The following CDH13 variants were observed in gnomAD, a reference collection of about 807,000 sequenced individuals.
CDH13 encodes the protein cadherin 13, also known as cadherin-13.
A neutral mutation model predicts 63.8 loss-of-function variants in CDH13; 24 were observed. The observed-to-expected ratio is 0.38, with a 90% CI of 0.27 to 0.53. CDH13 has a LOEUF of 0.53. Among genes scored for constraint, CDH13 ranks in the 20% least tolerant of loss-of-function variants. The probability of loss-of-function intolerance (pLI) is 0.85; values close to 1 mark genes in which losing one functional copy is unlikely to be tolerated. For synonymous variants in CDH13, 503 were observed against 355.3 expected (o/e 1.42, Z -4.67); for missense variants, 1,049 against 903.1 (o/e 1.16, Z -2.07).
chr16:83,067,404 C>G (rs1449692714), intron 3 of CDH13, among the ~76,000 whole-genome samples: 1 of 152,124 alleles, frequency 6.6e-6, no homozygotes, highest in Non-Finnish European at 1.5e-5. Context: ...AAATGGGAAC[C>G]ATCCATAGTT....
chr16:83,067,032 C>A (rs977561927), intron 3 of CDH13, among the ~76,000 whole-genome samples: 9 of 152,156 alleles, frequency 5.9e-5, no homozygotes, highest in African/African-American at 2.2e-4. Context: ...ATCTTATTTT[C>A]CAAGCTGCCA....
chr16:82,840,037 A>C lies in CDH13; in HGVS notation c.46-18325A>C, dbSNP rs553359698. ...GAGAAGAAAAAGTTATGTTCCTTCA[A>C]ACTATTTCAGCTCAGATGATTTTTT... On this transcript the variant is annotated intron_variant, in intron 1 of 13. Transcript: ENST00000567109. Among the ~76,000 whole-genome samples the C allele has an allele frequency of 4.6e-5, 7 of 152,310 alleles. No homozygotes were observed. The East Asian group carries it at 1.2e-3, about 25-fold the overall frequency.
intron 1 of CDH13, chr16:82,723,223 A>C (rs1042414054): frequency 1.3e-5 from 2 of 152,130 alleles, no homozygotes; most frequent in Non-Finnish European, 2.9e-5. Context: ...TATCTCCTTA[A>C]ATCCGTGTAT....
chr16:83,321,965 A>G (rs897494145), intron 5 of CDH13, among the ~76,000 whole-genome samples: 3 of 152,248 alleles, frequency 2.0e-5, no homozygotes, highest in African/African-American at 4.8e-5. Flanking sequence ...AGCCTGGTTC[A>G]GAGCCAGAGT....
chr16:83,066,853 C>G (rs2032054589), intron 3 of CDH13, among the ~76,000 whole-genome samples: 1 of 152,184 alleles, frequency 6.6e-6, no homozygotes, highest in Non-Finnish European at 1.5e-5. Context: ...CAGAAGGCTG[C>G]TTAGTGAGCA....
intron 6 of CDH13, among the ~76,000 whole-genome samples, chr16:83,453,395 C>A (rs1348465009): frequency 6.6e-6 from 1 of 151,936 alleles, no homozygotes; most frequent in African/African-American, 2.4e-5. Flanking sequence ...AAATGAAAAA[C>A]AACATTGATC....
At chr16:82,690,229 G>C (rs1386442243) in intron 1 of CDH13, among the ~76,000 whole-genome samples, 1 of 151,268 alleles carries the variant, frequency 6.6e-6, no homozygotes, top group African/African-American at 2.4e-5. Flanking sequence ...GGGGTTGGTG[G>C]AGGGAAATAA....
intron 8 of CDH13, among the ~76,000 whole-genome samples, chr16:83,652,005 C>T (rs1012490346): frequency 6.6e-6 from 1 of 152,182 alleles, no homozygotes; most frequent in East Asian, 1.9e-4. Context: ...ACAGAGAATG[C>T]TTTTTAATCC....
chr16:83,016,163 G>A (rs1327409186), intron 2 of CDH13, among the ~76,000 whole-genome samples: 1 of 152,122 alleles, frequency 6.6e-6, no homozygotes, highest in African/African-American at 2.4e-5. Context: ...GGATGAATAG[G>A]CATGGCCTAC....
At chr16:83,663,300 G>A (rs1695045628) in intron 8 of CDH13, among the ~76,000 whole-genome samples, 1 of 152,088 alleles carries the variant, frequency 6.6e-6, no homozygotes, top group South Asian at 2.1e-4. Flanking sequence ...TCCCTCAAAT[G>A]TTTTATGGAT....
chr16:83,391,021 T>C (rs2091775186), intron 6 of CDH13, among the ~76,000 whole-genome samples: 1 of 152,110 alleles, frequency 6.6e-6, no homozygotes, highest in East Asian at 1.9e-4. Flanking sequence ...CCATACAAAG[T>C]ACAACGAACA....
chr16:83,390,604 C>A (rs1055516629), intron 6 of CDH13, among the ~76,000 whole-genome samples: 1 of 152,004 alleles, frequency 6.6e-6, no homozygotes, highest in Non-Finnish European at 1.5e-5. Context: ...CAAGAATATG[C>A]CTCCAAGCCA....
intron 3 of CDH13, among the ~76,000 whole-genome samples, chr16:83,063,812 GT>G (rs2031783505): frequency 1.3e-5 from 2 of 152,244 alleles, no homozygotes; most frequent in South Asian, 4.1e-4. Flanking sequence ...AGGAGCATTT[GT>G]TCCTTGTCTC....
Position 83,101,631 on chromosome 16 carries a change from T to C in CDH13, c.367-23754T>C, listed in dbSNP as rs540132607. 7.2e-5 allele frequency among the ~76,000 whole-genome samples: 11 copies of C among 152,142 alleles called. No homozygotes were observed. The East Asian group carries it at 2.1e-3, about 29-fold the overall frequency. On this transcript the variant is annotated intron_variant, in intron 3 of 13. Transcript: ENST00000567109. Reference sequence around the variant, plus strand: ...TAACATGGCCAAACCCCATCTCTACTAAAAATACAAAAATTAGCTGGGTGT... The same window carrying C: ...TAACATGGCCAAACCCCATCTCTACCAAAAATACAAAAATTAGCTGGGTGT...
At chr16:83,585,217 C>G (rs1567785281) in intron 7 of CDH13, among the ~76,000 whole-genome samples, 1 of 152,206 alleles carries the variant, frequency 6.6e-6, no homozygotes, top group Non-Finnish European at 1.5e-5. Flanking sequence ...AACCTGGGAC[C>G]TCCTTCCACC....
Position 82,871,090 on chromosome 16 carries a change from G to A in CDH13, c.157+12617G>A, listed in dbSNP as rs138214252. Among the ~76,000 whole-genome samples, 611 of 152,304 alleles carry A rather than the reference G, an allele frequency of 4.0e-3. 4 individuals carry two copies. Among genetic ancestry groups the A allele is most frequent in the African/African-American group, 0.014 (584 of 41,576 alleles). On this transcript the variant is annotated intron_variant, in intron 2 of 13. Coordinates refer to ENST00000567109, the MANE Select transcript of CDH13 (RefSeq NM_001257.5). ...AAGTTTTTGATGCTGTCTTGTTTCTGTCATATCAGTAACACTATTGACAAT... is the reference window on the plus strand; with the variant it reads ...AAGTTTTTGATGCTGTCTTGTTTCTATCATATCAGTAACACTATTGACAAT...
intron 5 of CDH13, among the ~76,000 whole-genome samples, chr16:83,240,605 T>C (rs1360211647): frequency 6.6e-6 from 1 of 150,934 alleles, no homozygotes; most frequent in African/African-American, 2.4e-5. Flanking sequence ...AGGTGCAGTA[T>C]GTGATGAAAG....
At chr16:82,701,614 T>A (rs2031029165) in intron 1 of CDH13, among the ~76,000 whole-genome samples, 1 of 152,176 alleles carries the variant, frequency 6.6e-6, no homozygotes, top group Admixed American at 6.5e-5. Context: ...CCTTCCTTTT[T>A]TTTTGGCTGT....
At chr16:83,212,095 A>C (rs978892086) in intron 4 of CDH13, among the ~76,000 whole-genome samples, 1 of 152,154 alleles carries the variant, frequency 6.6e-6, no homozygotes, top group East Asian at 1.9e-4. Flanking sequence ...ATTTCTTGAC[A>C]TTAAACAACA....
Sources: allele counts gnomAD v4.1 joint callset (sites outside exome capture counted in the v4.1 genomes callset), GRCh38; gene constraint gnomAD v4.1.1; transcripts MANE v1.5; gene names NCBI Gene and HGNC (gene_info 2026-07-23, HGNC 2026-07-21).